MIAT: variants seen among roughly 807,000 people sequenced by gnomAD.
MIAT encodes the protein MI related novel mRNA.
exon 2 of MIAT, chr22:26,647,189 C>G (rs1930248264): frequency 5.0e-6 from 2 of 398,362 alleles, no homozygotes; most frequent in Non-Finnish European, 8.8e-6. Context: ...TCTGAGAAGC[C>G]CTCCAGAACC....
intron 2 of MIAT, among the ~76,000 whole-genome samples, chr22:26,659,824 CTTTCTTTCTTTCTTTCT>C (rs1930596149): frequency 8.3e-6 from 1 of 121,024 alleles, no homozygotes. Context: ...TTTTCTTTTT[CTTTCTTTCTTTCTTTCT>C]TTTTTTTTTT....
exon 5 of MIAT, chr22:26,675,658 A>G (rs1363198438): frequency 2.5e-6 from 1 of 398,570 alleles, no homozygotes; most frequent in Non-Finnish European, 4.4e-6. Context: ...GAAGGGGAGC[A>G]ATCTTGAAAA....
At chr22:26,661,961 T>TATATAC (rs1336346956) in intron 2 of MIAT, among the ~76,000 whole-genome samples, 71 of 43,774 alleles carry the variant, frequency 1.6e-3, no homozygotes, top group Middle Eastern at 0.013. Flanking sequence ...TATATATATA[T>TATATAC]ACACACACAC....
At chr22:26,675,357 A>C (rs1931222886) in exon 5 of MIAT, 2 of 398,536 alleles carry the variant, frequency 5.0e-6, no homozygotes, top group Non-Finnish European at 8.8e-6. Flanking sequence ...GGTTGCCAAG[A>C]AGTTTAGATT....
chr22:26,671,526 C>A (rs947751178), downstream of MIAT: 141 of 398,710 alleles, frequency 3.5e-4, 1 homozygote, highest in African/African-American at 2.8e-3. Context: ...ACTAACCACC[C>A]CCCCGCAGCC....
downstream of MIAT, chr22:26,672,939 G>C: frequency 2.5e-6 from 1 of 398,656 alleles, no homozygotes; most frequent in Non-Finnish European, 4.4e-6. Context: ...AAGTCAGCTA[G>C]AGAGCCGTCT....
intron 3 of MIAT, among the ~76,000 whole-genome samples, chr22:26,664,387 A>T (rs901232516): frequency 6.6e-5 from 10 of 152,186 alleles, no homozygotes; most frequent in African/African-American, 1.9e-4. Context: ...TTTAAAAGTC[A>T]TATAACTCAC....
intron 4 of MIAT, chr22:26,667,055 T>G (rs1240357575): frequency 2.5e-6 from 1 of 394,452 alleles, no homozygotes; most frequent in Non-Finnish European, 4.4e-6. Flanking sequence ...CTCCTGCTCA[T>G]GAGAAGATGG....
At chr22:26,663,817 T>C (rs762114207) in intron 3 of MIAT, among the ~76,000 whole-genome samples, 3 of 152,166 alleles carry the variant, frequency 2.0e-5, no homozygotes, top group Admixed American at 6.5e-5. Context: ...TGTGTAACCA[T>C]TGCCACAATC....
At chr22:26,671,210 G>T (rs1371925825), downstream of MIAT, 6 of 398,552 alleles carry the variant, frequency 1.5e-5, no homozygotes, top group Admixed American at 2.6e-4. Context: ...ATATTTGCAG[G>T]GGGTGCTCTG....
At chr22:26,667,406 G>T (rs6005120) in intron 5 of MIAT, 4,711 of 370,572 alleles carry the variant, frequency 0.013, 194 homozygotes, top group African/African-American at 0.093. Flanking sequence ...GTGCATGTGT[G>T]TGCGCGTGTA....
At chr22:26,669,462 G>A (rs965038428) in exon 6 of MIAT, 9 of 397,830 alleles carry the variant, frequency 2.3e-5, no homozygotes, top group Middle Eastern at 6.2e-4. Flanking sequence ...CAGAGAGCAT[G>A]AGCAGGCTCT....
intron 2 of MIAT, chr22:26,647,370 G>C (rs890937426): frequency 2.9e-6 from 1 of 342,578 alleles, no homozygotes; most frequent in Admixed American, 5.2e-5. Context: ...GGGACGTGGG[G>C]GGTGGAGAGA....
chr22:26,674,376 T>C (rs576017742), downstream of MIAT: 11 of 398,806 alleles, frequency 2.8e-5, no homozygotes, highest in Non-Finnish European at 4.9e-5. Flanking sequence ...AAGGTGGCAC[T>C]AGTTCAAGGT....
intron 4 of MIAT, chr22:26,667,027 C>G (rs1240069661): frequency 5.0e-6 from 2 of 397,736 alleles, no homozygotes; most frequent in Non-Finnish European, 8.8e-6. Context: ...CCTGTGCCCC[C>G]TCCTCAGGCC....
At chr22:26,656,249 G>C (rs1930444435) in intron 2 of MIAT, 1 of 152,148 alleles carries the variant, frequency 6.6e-6, no homozygotes, top group South Asian at 2.1e-4. Flanking sequence ...GACTTCAGGT[G>C]ATCTGTCTGC....
At chr22:26,658,015 C>T (rs1487878122) in intron 2 of MIAT, among the ~76,000 whole-genome samples, 1 of 128,978 alleles carries the variant, frequency 7.8e-6, no homozygotes, top group Non-Finnish European at 1.6e-5. Flanking sequence ...CGGACCTTCT[C>T]GGTCCACCAG....
chr22:26,660,131 T>C (rs1286617314), intron 2 of MIAT, among the ~76,000 whole-genome samples: 1 of 151,026 alleles, frequency 6.6e-6, no homozygotes, highest in African/African-American at 2.4e-5. Flanking sequence ...CCCCCACACC[T>C]GACCTGAAAA....
intron 2 of MIAT, among the ~76,000 whole-genome samples, chr22:26,656,877 T>G (rs999080666): frequency 8.5e-5 from 13 of 152,130 alleles, no homozygotes; most frequent in African/African-American, 3.1e-4. Context: ...CCGCTGCACT[T>G]CAGCCGGGGT....
Sources: gnomAD v4.1 joint callset for allele counts (sites outside exome capture counted in the v4.1 genomes callset) on GRCh38, gnomAD v4.1.1 for gene constraint, MANE v1.5 for transcripts, NCBI Gene and HGNC (gene_info 2026-07-23, HGNC 2026-07-21) for gene names.